Variants in SNX10 observed in about 807,000 individuals in gnomAD.
SNX10 encodes the protein sorting nexin 10.
In SNX10, 25 loss-of-function variants were observed where a neutral mutation model predicts 28.5. The ratio of observed to expected loss-of-function variants is 0.88; its 90% CI spans 0.64 to 1.22. The LOEUF (loss-of-function observed/expected upper bound fraction) is 1.22. Ranked by LOEUF, SNX10 falls within the 50% of genes most tolerant of loss-of-function variation. The pLI is 0.00. For missense variants in SNX10, 223 were observed against 242.6 expected, an observed-to-expected ratio of 0.92 and a Z score of 0.54; for synonymous variants, 62 against 81.4, an observed-to-expected ratio of 0.76 and a Z score of 1.28.
rs1788834057 is a variant in SNX10 at position 26,356,687 on chromosome 7, G to A, written c.25-4288G>A. ...CCACTAGGCCAACAAATTGTTGCCTGGTACAAGTCTTAGGGGACTAAGTTA... is the reference window on the plus strand; with the variant it reads ...CCACTAGGCCAACAAATTGTTGCCTAGTACAAGTCTTAGGGGACTAAGTTA... On this transcript the variant is annotated intron_variant, in intron 2 of 6. Transcript: ENST00000338523. 2.6e-5 allele frequency among the ~76,000 whole-genome samples: 4 copies of A among 152,228 alleles called. No homozygotes were observed. The South Asian group carries it at 8.3e-4, about 32-fold the overall frequency.
chr7:26,365,611 TA>T (rs1481302010), intron 5 of SNX10, among the ~76,000 whole-genome samples: 1 of 152,208 alleles, frequency 6.6e-6, no homozygotes, highest in Non-Finnish European at 1.5e-5. Context: ...GGAATGTTTA[TA>T]AAGGAGTATT....
chr7:26,372,274 T>A (rs778767624), intron 6 of SNX10: 1 of 592,312 alleles, frequency 1.7e-6, no homozygotes, highest in Non-Finnish European at 3.0e-6. Context: ...ATTCTGATTA[T>A]GTGACTTTCA....
chr7:26,367,626 C>T (rs139426441), intron 5 of SNX10, among the ~76,000 whole-genome samples: 11 of 152,268 alleles, frequency 7.2e-5, no homozygotes, highest in Non-Finnish European at 1.3e-4. Context: ...TGTGCTTGCC[C>T]GGGTTGTGTA....
intron 1 of SNX10, among the ~76,000 whole-genome samples, chr7:26,318,730 C>G (rs1562792964): frequency 6.6e-6 from 1 of 152,210 alleles, no homozygotes; most frequent in Non-Finnish European, 1.5e-5. Context: ...CTTGGCCTCC[C>G]AAATTGCTGG....
chr7:26,308,915 T>C (rs1237977882), intron 1 of SNX10, among the ~76,000 whole-genome samples: 3 of 152,186 alleles, frequency 2.0e-5, no homozygotes, highest in Non-Finnish European at 4.4e-5. Flanking sequence ...TACTGCAGAA[T>C]TGATTGCTTG....
intron 1 of SNX10, among the ~76,000 whole-genome samples, chr7:26,311,768 G>C (rs544517479): frequency 6.6e-6 from 1 of 152,106 alleles, no homozygotes; most frequent in Non-Finnish European, 1.5e-5. Flanking sequence ...TTGGATTACT[G>C]TGTGGCCCAC....
At chr7:26,336,889 A>G (rs542809866) in intron 1 of SNX10, among the ~76,000 whole-genome samples, 1 of 152,104 alleles carries the variant, frequency 6.6e-6, no homozygotes, top group South Asian at 2.1e-4. Flanking sequence ...AAAACACTGC[A>G]TTTTGAACAT....
intron 1 of SNX10, among the ~76,000 whole-genome samples, chr7:26,307,661 T>C (rs1786651547): frequency 6.6e-6 from 1 of 150,758 alleles, no homozygotes; most frequent in Non-Finnish European, 1.5e-5. Context: ...GGTTTTGCCA[T>C]GTTGCCCAGG....
intron 1 of SNX10, among the ~76,000 whole-genome samples, chr7:26,314,342 C>T (rs1170636305): frequency 6.6e-6 from 1 of 151,896 alleles, no homozygotes; most frequent in Non-Finnish European, 1.5e-5. Flanking sequence ...ACTGCAACCT[C>T]TGCCTCCATT....
intron 1 of SNX10, among the ~76,000 whole-genome samples, chr7:26,326,959 T>G (rs1387995061): frequency 6.6e-6 from 1 of 150,956 alleles, no homozygotes; most frequent in Non-Finnish European, 1.5e-5. Flanking sequence ...CTTTTTTTTT[T>G]TTTTTTTTTG....
intron 1 of SNX10, among the ~76,000 whole-genome samples, chr7:26,326,672 A>G (rs2128002493): frequency 6.6e-6 from 1 of 152,320 alleles, no homozygotes; most frequent in Middle Eastern, 3.4e-3. Flanking sequence ...CTTCACTGTG[A>G]AATGGGAATA....
intron 5 of SNX10, among the ~76,000 whole-genome samples, chr7:26,369,942 G>C (rs1789448894): frequency 6.6e-6 from 1 of 152,180 alleles, no homozygotes; most frequent in South Asian, 2.1e-4. Flanking sequence ...AATTGCTTCA[G>C]ACATGAAATA....
At chr7:26,338,511 C>T (rs1001311115) in intron 1 of SNX10, among the ~76,000 whole-genome samples, 3 of 152,114 alleles carry the variant, frequency 2.0e-5, no homozygotes, top group Admixed American at 6.5e-5. Flanking sequence ...ACGCCATTCT[C>T]CTACGTCAGC....
At chr7:26,309,083 C>T (rs1459254599) in intron 1 of SNX10, among the ~76,000 whole-genome samples, 2 of 152,182 alleles carry the variant, frequency 1.3e-5, no homozygotes, top group East Asian at 1.9e-4. Context: ...CAGCACAGCC[C>T]TCCATTCATG....
At position 26,293,958 on chromosome 7, in the gene SNX10, G is replaced by A. The variant is rs139440019; in HGVS notation, c.-24+1872G>A. On this transcript the variant is annotated intron_variant, in intron 1 of 6. Coordinates refer to ENST00000338523, the MANE Select transcript of SNX10 (RefSeq NM_013322.3). Reference sequence around the variant, plus strand: ...AGTGGATATCTTTTCTCAGCCCTAGGATCACTACTTTCATTTTAAGGCTTC... The same window carrying A: ...AGTGGATATCTTTTCTCAGCCCTAGAATCACTACTTTCATTTTAAGGCTTC... 2.8e-4 allele frequency among the ~76,000 whole-genome samples: 43 copies of A among 152,318 alleles called. No homozygotes were observed. In the East Asian group the frequency reaches 7.5e-3, roughly 27 times the overall value.
rs191815788 is a variant in SNX10 at position 26,312,419 on chromosome 7, C to T, written c.-24+20333C>T. 3.1e-3 allele frequency among the ~76,000 whole-genome samples: 476 copies of T among 152,258 alleles called. 3 individuals carry two copies. Among genetic ancestry groups the T allele is most frequent in the Middle Eastern group, 0.01 (3 of 294 alleles). ...TAACTTCCCTAATACAAAAAGAACTCCTATGAACCAATAAGGAAAAGAACA... is the reference window on the plus strand; with the variant it reads ...TAACTTCCCTAATACAAAAAGAACTTCTATGAACCAATAAGGAAAAGAACA... On this transcript the variant is annotated intron_variant, in intron 1 of 6. Transcript: ENST00000338523.
intron 1 of SNX10, among the ~76,000 whole-genome samples, chr7:26,299,158 G>T (rs551331813): frequency 1.5e-3 from 230 of 152,174 alleles, no homozygotes; most frequent in African/African-American, 5.3e-3. Context: ...TGGAGAGTGA[G>T]ATTAGAAAGG....
chr7:26,322,754 G>T (rs572506113), intron 1 of SNX10, among the ~76,000 whole-genome samples: 101 of 152,276 alleles, frequency 6.6e-4, no homozygotes, highest in Non-Finnish European at 9.6e-4. Context: ...ATAAAGATCT[G>T]TTCTCTTAGT....
At chr7:26,342,252 C>T (rs924280387) in intron 1 of SNX10, among the ~76,000 whole-genome samples, 1 of 152,140 alleles carries the variant, frequency 6.6e-6, no homozygotes, top group African/African-American at 2.4e-5. Context: ...GTCTCAAACT[C>T]CTGACCTCAG....
Sources: allele counts gnomAD v4.1 joint callset (sites outside exome capture counted in the v4.1 genomes callset), GRCh38; gene constraint gnomAD v4.1.1; transcripts MANE v1.5; gene names NCBI Gene and HGNC (gene_info 2026-07-23, HGNC 2026-07-21).